The following PAQR5 variants were observed in gnomAD, a reference collection of about 807,000 sequenced individuals.
PAQR5 encodes membrane progestin receptor gamma.
A neutral mutation model predicts 34.5 loss-of-function variants in PAQR5; 20 were observed. The ratio of observed to expected loss-of-function variants is 0.58; its 90% CI spans 0.41 to 0.84. The LOEUF is 0.84. Ranked by LOEUF, PAQR5 falls within the 40% of genes least tolerant of loss-of-function variation. The pLI is 0.00. For synonymous variants in PAQR5, 131 were observed against 155.6 expected (o/e 0.84, Z 1.18); for missense variants, 378 against 412.7 (o/e 0.92, Z 0.73).
At chr15:69,335,147 C>T (rs997354540) in intron 1 of PAQR5, among the ~76,000 whole-genome samples, 6 of 151,590 alleles carry the variant, frequency 4.0e-5, no homozygotes, top group Admixed American at 3.9e-4. Context: ...TCGTTTGAAC[C>T]CAGGAGGTGG....
At chr15:69,306,372 T>C (rs2053715892) in intron 1 of PAQR5, among the ~76,000 whole-genome samples, 1 of 151,908 alleles carries the variant, frequency 6.6e-6, no homozygotes, top group Non-Finnish European at 1.5e-5. Context: ...CTTTAACCTT[T>C]ACCATTTAAC....
At chr15:69,402,056 C>A (rs2056644898) in intron 8 of PAQR5, among the ~76,000 whole-genome samples, 1 of 151,870 alleles carries the variant, frequency 6.6e-6, no homozygotes, top group African/African-American at 2.4e-5. Flanking sequence ...TTTTTTTAAA[C>A]CAAAAGAGAA....
At chr15:69,383,631 T>A (rs1419344704) in intron 4 of PAQR5, among the ~76,000 whole-genome samples, 1 of 104,982 alleles carries the variant, frequency 9.5e-6, no homozygotes, top group Non-Finnish European at 2.0e-5. Flanking sequence ...GGAGGGTGAG[T>A]GGCCCTCTGT....
rs1431745469 is a variant in PAQR5, at chr15:69,385,944, A to G, written c.385+1062A>G. 1.4e-5 allele frequency among the ~76,000 whole-genome samples: 2 copies of G among 147,394 alleles called. No individual in the cohort carries two copies. The highest frequency in any genetic ancestry group is 3.0e-5 in the Non-Finnish European group (2 of 66,712). On this transcript the variant is annotated intron_variant, in intron 5 of 8. Coordinates refer to ENST00000395407, the MANE Select transcript of PAQR5 (RefSeq NM_017705.4). This position sits in a 1 kb window ranked among gnomAD's most constrained non-coding sequence, Gnocchi z 4.7. ...CACACACTCACACCACATACACACA[A>G]TACACTCACATGCACACTCTCAAAC...
chr15:69,331,211 C>A (rs1397700010), intron 1 of PAQR5, among the ~76,000 whole-genome samples: 3 of 152,102 alleles, frequency 2.0e-5, no homozygotes, highest in Admixed American at 2.0e-4. Context: ...TTCCTTCTCG[C>A]CACTGGTTCT....
At chr15:69,383,262 T>C (rs1484823288) in intron 4 of PAQR5, among the ~76,000 whole-genome samples, 1 of 145,690 alleles carries the variant, frequency 6.9e-6, no homozygotes, top group Non-Finnish European at 1.5e-5. Context: ...TCATGGAGGG[T>C]GAGCGGCCCT....
At chr15:69,355,856 C>T (rs1466894167) in intron 2 of PAQR5, among the ~76,000 whole-genome samples, 1 of 152,044 alleles carries the variant, frequency 6.6e-6, no homozygotes, top group Admixed American at 6.5e-5. Context: ...GTATCACAAA[C>T]TTAAACAATT....
chr15:69,300,559 TTTTC>T (rs1303800293), intron 1 of PAQR5, among the ~76,000 whole-genome samples: 1 of 151,406 alleles, frequency 6.6e-6, no homozygotes, highest in Non-Finnish European at 1.5e-5. Flanking sequence ...TCCCGTATGC[TTTTC>T]TTTCTTTCTC....
intron 1 of PAQR5, among the ~76,000 whole-genome samples, chr15:69,303,375 AT>A (rs1355200445): frequency 1.3e-5 from 2 of 152,118 alleles, no homozygotes; most frequent in African/African-American, 2.4e-5. Flanking sequence ...CCCAGACTGA[AT>A]GGACAGCCGC....
chr15:69,353,324 G>T (rs1243338983), intron 2 of PAQR5, among the ~76,000 whole-genome samples: 1 of 152,306 alleles, frequency 6.6e-6, no homozygotes, highest in African/African-American at 2.4e-5. Context: ...ATATGGATTT[G>T]TCTCCCCTGA....
intron 1 of PAQR5, among the ~76,000 whole-genome samples, chr15:69,307,612 C>G (rs771659122): frequency 2.0e-5 from 3 of 152,182 alleles, no homozygotes; most frequent in Non-Finnish European, 4.4e-5. Flanking sequence ...CCCCACAAGG[C>G]TGAGGAACTT....
rs113062143 is a variant in PAQR5 at position 69,390,829 on chromosome 15, GTT to G, written c.512+1062_512+1063del. 1.7e-3 allele frequency among the ~76,000 whole-genome samples: 240 copies of G among 142,908 alleles called. 3 individuals carry two copies. Among genetic ancestry groups the G allele is most frequent in the African/African-American group, 5.5e-3 (217 of 39,290 alleles). 93.8% of individuals were successfully genotyped at this position (142,908 alleles called of 152,430 possible). A position where few individuals can be genotyped will look rare whatever the true frequency, so the allele number is the denominator to read the frequency against. ...CAGCTTACGCGCTCTAATTCCCACT[GTT>G]TTTTTTTTTTTTCTTTCAAGAAAAC... On this transcript the variant is annotated intron_variant, in intron 6 of 8. Transcript: ENST00000395407.
intron 2 of PAQR5, among the ~76,000 whole-genome samples, chr15:69,342,754 C>T (rs192145239): frequency 1.5e-4 from 23 of 152,294 alleles, no homozygotes; most frequent in Admixed American, 1.4e-3. Context: ...GACAGGAGCC[C>T]CAGGGGAGGG....
intron 3 of PAQR5, among the ~76,000 whole-genome samples, chr15:69,363,019 T>C (rs1179279374): frequency 1.3e-5 from 2 of 152,158 alleles, no homozygotes; most frequent in African/African-American, 4.8e-5. Context: ...TTTTATGGAG[T>C]GGCAGGTGCC....
At chr15:69,305,746 C>T (rs559222154) in intron 1 of PAQR5, among the ~76,000 whole-genome samples, 9 of 152,130 alleles carry the variant, frequency 5.9e-5, no homozygotes, top group East Asian at 5.8e-4. Context: ...TGTTGTTAGA[C>T]GCAAGGGCAC....
intron 3 of PAQR5, among the ~76,000 whole-genome samples, chr15:69,361,221 G>T (rs1212364492): frequency 6.6e-6 from 1 of 152,224 alleles, no homozygotes; most frequent in Non-Finnish European, 1.5e-5. Context: ...GCTGTGATTA[G>T]TGGGAACACA....
intron 7 of PAQR5, among the ~76,000 whole-genome samples, chr15:69,398,707 G>A (rs2056531683): frequency 1.3e-5 from 2 of 152,178 alleles, no homozygotes; most frequent in Non-Finnish European, 2.9e-5. Flanking sequence ...CTTCCTCAAG[G>A]GCGCAGACCA....
At chr15:69,308,440 G>C (rs2053763649) in intron 1 of PAQR5, among the ~76,000 whole-genome samples, 1 of 152,160 alleles carries the variant, frequency 6.6e-6, no homozygotes. Context: ...CCTTGGCCCT[G>C]CTGACATATT....
In PAQR5 at chr15:69,346,623, T is replaced by A. The variant is rs1326347760; in HGVS notation, c.-116+9122T>A. ...GTGAGCTACCACGTCCAGCTGCAAT[T>A]TTTTTTTTTTTTTTTGAGTACACAA... On this transcript the variant is annotated intron_variant, in intron 2 of 8. Coordinates refer to ENST00000395407, the MANE Select transcript of PAQR5 (RefSeq NM_017705.4). 9.1e-3 allele frequency among the ~76,000 whole-genome samples: 961 copies of A among 106,154 alleles called. 11 individuals carry two copies. Among genetic ancestry groups the A allele is most frequent in the African/African-American group, 0.059 (917 of 15,568 alleles). 69.6% of individuals were successfully genotyped at this position (106,154 alleles called of 152,430 possible).
Sources: allele counts gnomAD v4.1 joint callset (sites outside exome capture counted in the v4.1 genomes callset), GRCh38; gene constraint gnomAD v4.1.1; non-coding constraint Gnocchi (gnomAD v3.1); transcripts MANE v1.5; gene names NCBI Gene and HGNC (gene_info 2026-07-23, HGNC 2026-07-21).